DAZAP1: variants seen among roughly 807,000 people sequenced by gnomAD.
DAZAP1 encodes DAZ associated protein 1.
In DAZAP1, 6 loss-of-function variants were observed where a neutral mutation model predicts 60.1. The ratio of observed to expected loss-of-function variants is 0.10; its 90% confidence interval spans 0.05 to 0.20. The LOEUF (loss-of-function observed/expected upper bound fraction) is 0.20. Among genes scored for constraint, DAZAP1 ranks in the 10% least tolerant of loss-of-function variants. DAZAP1 has a pLI of 1.00. For missense variants in DAZAP1, 366 were observed against 560.4 expected (o/e 0.65, Z 3.50); for synonymous variants, 235 against 215.9 (o/e 1.09, Z -0.78).
rs749941130 is a variant in DAZAP1, at chr19:1,418,591, G to A, written c.238-75G>A. Reference sequence around the variant, plus strand: ...CGGGCCGGGCTGCTGTGCCGTGGCTGCTGTTGTGCTGACACCCTCTTTCCT... The same window carrying A: ...CGGGCCGGGCTGCTGTGCCGTGGCTACTGTTGTGCTGACACCCTCTTTCCT... On this transcript the variant is annotated intron_variant, in intron 3 of 11. Transcript: ENST00000233078. This position sits in a 1 kb window ranked among gnomAD's most constrained non-coding sequence, Gnocchi z 5.7. 1.2e-5 allele frequency: 19 copies of A among 1,578,710 alleles called. No individual in the cohort carries two copies. Among genetic ancestry groups the A allele is most frequent in the Middle Eastern group, 1.7e-4 (1 of 5,978 alleles).
At chr19:1,413,881 T>C (rs1473005205) in intron 1 of DAZAP1, among the ~76,000 whole-genome samples, 1 of 152,132 alleles carries the variant, frequency 6.6e-6, no homozygotes, top group Non-Finnish European at 1.5e-5. Context: ...ACTTCTGACT[T>C]ACAGGAAAAT....
chr19:1,431,027 G>C (rs1230959821), intron 10 of DAZAP1, among the ~76,000 whole-genome samples: 1 of 151,548 alleles, frequency 6.6e-6, no homozygotes, highest in African/African-American at 2.4e-5. Context: ...AGCCTCACAG[G>C]CTCTAATTCT....
intron 6 of DAZAP1, among the ~76,000 whole-genome samples, chr19:1,424,094 C>T (rs1255108871): frequency 2.0e-5 from 3 of 151,790 alleles, no homozygotes; most frequent in East Asian, 3.9e-4. Context: ...CACCTCCTCC[C>T]TCTTCCTCTC....
intron 1 of DAZAP1, among the ~76,000 whole-genome samples, chr19:1,414,866 C>T (rs1223792723): frequency 2.7e-5 from 4 of 150,400 alleles, no homozygotes; most frequent in African/African-American, 9.8e-5. Flanking sequence ...CTCTGTCACC[C>T]CTGCTGGAGT....
intron 4 of DAZAP1, among the ~76,000 whole-genome samples, chr19:1,419,163 CCTG>C (rs1207214189): frequency 6.6e-6 from 1 of 152,220 alleles, no homozygotes; most frequent in East Asian, 1.9e-4. Context: ...GGTTCTCTGA[CCTG>C]CGCCCTGGTG....
rs1600228300 is a variant in DAZAP1, at chr19:1,425,126, T to C, written c.464-752T>C. Among the ~76,000 whole-genome samples, 1 of 152,360 alleles carries C rather than the reference T, an allele frequency of 6.6e-6. No individual in the cohort carries two copies. Among genetic ancestry groups the C allele is most frequent in the Non-Finnish European group, 1.5e-5 (1 of 68,034 alleles). ...CAGAGTCTGACCTGCTGGAACCCGT[T>C]GTGGCCTGTATCTTTGTGCATTGTT... On this transcript the variant is annotated intron_variant, in intron 6 of 11. Transcript: ENST00000233078. This position sits in a 1 kb window ranked among gnomAD's most constrained non-coding sequence, Gnocchi z 5.4.
chr19:1,413,989 CTGTGTGTGTGTGTGTGTGTGTGTGTG>C (rs3065755), intron 1 of DAZAP1, among the ~76,000 whole-genome samples: 1 of 130,066 alleles, frequency 7.7e-6, no homozygotes, highest in Non-Finnish European at 1.6e-5. Context: ...CCCCAGTGAA[CTGTGTGTGTGTGTGTGTGTGTGTGTG>C]TGTGTGTGTG....
chr19:1,429,234 CATT>C (rs879859430), intron 8 of DAZAP1, among the ~76,000 whole-genome samples: 9 of 152,250 alleles, frequency 5.9e-5, no homozygotes, highest in Admixed American at 3.9e-4. Flanking sequence ...GCCTGGGACT[CATT>C]GTCACCGGGA....
chr19:1,421,261 G>A lies in DAZAP1; in HGVS notation c.414+3G>A. 1 of 1,613,360 alleles carries A rather than the reference G, an allele frequency of 6.2e-7. No individual in the cohort carries two copies. Among genetic ancestry groups the A allele is most frequent in the Non-Finnish European group, 8.5e-7 (1 of 1,179,366 alleles). ...AATACTTCAAGAAGTTCGGAGTGGT[G>A]AGTTTCTCCCCACCCCGGCAGCACT... On this transcript the variant is annotated splice_donor_region_variant and intron_variant, in intron 5 of 11. Coordinates refer to ENST00000233078, the MANE Select transcript of DAZAP1 (RefSeq NM_018959.4).
At position 1,426,040 on chromosome 19, in the gene DAZAP1, T is replaced by A; in HGVS notation, c.546+80T>A. ...TAGGGGTTTCACTGGAAAGGAACAT[T>A]CCTTCACGGAAAGGGTCGGGCGAGT... On this transcript the variant is annotated intron_variant, in intron 7 of 11. Transcript: ENST00000233078. The surrounding 1 kb of genome is among the most constrained non-coding windows in gnomAD (Gnocchi z 5.4). 4 of 1,053,032 alleles carry A rather than the reference T, an allele frequency of 3.8e-6. No homozygotes were observed. Among genetic ancestry groups the A allele is most frequent in the Non-Finnish European group, 6.0e-6 (4 of 669,226 alleles). 65.2% of individuals were successfully genotyped at this position (1,053,032 alleles called of 1,614,324 possible).
rs2083206178 is a variant in DAZAP1 at position 1,423,077 on chromosome 19, T to G, written c.463+681T>G. Among the ~76,000 whole-genome samples the G allele has an allele frequency of 6.7e-6, 1 of 150,340 alleles. No individual in the cohort carries two copies. The highest frequency in any genetic ancestry group is 1.5e-5 in the Non-Finnish European group (1 of 67,912). ...GCATGGTTTTGGTTCATCAGCTGCT[T>G]TTGGCCGGCCACGTGAGCAGACCTG... On this transcript the variant is annotated intron_variant, in intron 6 of 11. Transcript: ENST00000233078. The surrounding 1 kb of genome is among the most constrained non-coding windows in gnomAD (Gnocchi z 6.8).
chr19:1,407,619 A>AGCCGCCGCAGCCGCC lies in DAZAP1; in HGVS notation c.-147_-146insAGCCGCCGCCGCCGC, dbSNP rs2082701147. 4.2e-6 allele frequency: 1 copy of AGCCGCCGCAGCCGCC among 235,986 alleles called. No homozygotes were observed. Among genetic ancestry groups the AGCCGCCGCAGCCGCC allele is most frequent in the Non-Finnish European group, 6.6e-6 (1 of 151,900 alleles). 14.6% of individuals were successfully genotyped at this position (235,986 alleles called of 1,614,324 possible). On this transcript the variant is annotated 5_prime_UTR_variant, in exon 1 of 12. Transcript: ENST00000233078. Reference sequence around the variant, plus strand: ...ACCGTTGGCGCCGAGGGGAGGAGGCAGCCGCCGCCGCCGCCGCCGCCGCCG... The same window carrying AGCCGCCGCAGCCGCC: ...ACCGTTGGCGCCGAGGGGAGGAGGCAGCCGCCGCAGCCGCCGCCGCCGCCGCCGCCGCCGCCGCCG...
At position 1,430,369 on chromosome 19, in the gene DAZAP1, C is replaced by G; in HGVS notation, c.871+7C>G. 2 of 1,487,116 alleles carry G rather than the reference C, an allele frequency of 1.3e-6. No individual in the cohort carries two copies. The highest frequency in any genetic ancestry group is 1.8e-6 in the Non-Finnish European group (2 of 1,121,894). The allele number at this position is 1,487,116 out of a possible 1,614,324, so 92.1% of individuals were successfully genotyped here. ...GGTGCCCCGCCACAGTTCAGTAAGT[C>G]TAGGGGGCCTTGTGGGAGGGCCTCC... On this transcript the variant is annotated splice_region_variant and intron_variant, in intron 10 of 11. Coordinates refer to ENST00000233078, the MANE Select transcript of DAZAP1 (RefSeq NM_018959.4).
intron 1 of DAZAP1, 69 bp from the exon 2 acceptor site, chr19:1,417,426 CAGCTT>C (rs2083018799): frequency 2.0e-6 from 3 of 1,518,414 alleles, no homozygotes; most frequent in Non-Finnish European, 9.0e-7. Flanking sequence ...ATTAAGACCT[CAGCTT>C]GGCTTGGATG....
rs1569060443 is a variant in DAZAP1, at chr19:1,418,819, G to A, written c.303+88G>A. ...TGCCTTCAATCTGCTGTTGTCGCTC[G>A]TTAAGATTGAGGGCGACGCAGGTCT... On this transcript the variant is annotated intron_variant, in intron 4 of 11. Transcript: ENST00000233078. This position sits in a 1 kb window ranked among gnomAD's most constrained non-coding sequence, Gnocchi z 5.7. The A allele has an allele frequency of 7.2e-6, 10 of 1,390,588 alleles. No individual in the cohort carries two copies. The highest frequency in any genetic ancestry group is 2.4e-5 in the East Asian group (1 of 42,472). The allele number at this position is 1,390,588 out of a possible 1,614,324, so 86.1% of individuals were successfully genotyped here.
chr19:1,414,908 C>T (rs546787797), intron 1 of DAZAP1, among the ~76,000 whole-genome samples: 7 of 151,766 alleles, frequency 4.6e-5, no homozygotes, highest in African/African-American at 1.2e-4. Context: ...ACTGCAGCCT[C>T]GACCTTGACT....
At chr19:1,429,855 A>G in intron 8 of DAZAP1, 112 bp from the exon 9 acceptor site, 1 of 1,336,638 alleles carries the variant, frequency 7.5e-7, no homozygotes, top group Non-Finnish European at 1.0e-6. Flanking sequence ...CTCTAAGCAC[A>G]GGAGGCTCCG....
rs777866840 is a variant in DAZAP1 at position 1,415,351 on chromosome 19, T to TTGTGTGTG, written c.30-2148_30-2147insGTGTGTGT. The stretch of plus-strand genomic sequence containing the variant: ...TGGATTTGGTTTGGTTTTCAGGGTT[T>TTGTGTGTG]TATGTGTGTGTGTGTGTGTGTGTGT... On this transcript the variant is annotated intron_variant, in intron 1 of 11. Coordinates refer to ENST00000233078, the MANE Select transcript of DAZAP1 (RefSeq NM_018959.4). Among the ~76,000 whole-genome samples the TTGTGTGTG allele has an allele frequency of 1.1e-3, 78 of 70,012 alleles. 1 individual carries two copies. Among genetic ancestry groups the TTGTGTGTG allele is most frequent in the Admixed American group, 7.8e-3 (54 of 6,924 alleles). The allele number at this position is 70,012 out of a possible 152,430, so 45.9% of individuals were successfully genotyped here.
At chr19:1,417,935 T>C (rs894331986) in intron 2 of DAZAP1, among the ~76,000 whole-genome samples, 2 of 152,188 alleles carry the variant, frequency 1.3e-5, no homozygotes, top group African/African-American at 4.8e-5. Flanking sequence ...TTGCCTTGCC[T>C]TAAACGTTGC....
Sources: gnomAD v4.1 joint callset for allele counts (sites outside exome capture counted in the v4.1 genomes callset) on GRCh38, gnomAD v4.1.1 for gene constraint, Gnocchi (gnomAD v3.1) non-coding constraint, MANE v1.5 for transcripts, NCBI Gene and HGNC (gene_info 2026-07-23, HGNC 2026-07-21) for gene names.